FHIT: variants seen among roughly 807,000 people sequenced by gnomAD.
FHIT encodes the protein bis(5'-adenosyl)-triphosphatase.
A neutral mutation model predicts 17.9 loss-of-function variants in FHIT; 19 were observed. The ratio of observed to expected loss-of-function variants is 1.06; its 90% CI spans 0.74 to 1.56. FHIT has a LOEUF of 1.56. Among genes scored for constraint, FHIT ranks in the 40% most tolerant of loss-of-function variants. The pLI is 0.00. For synonymous variants in FHIT, 81 were observed against 69.7 expected (o/e 1.16, Z -0.81); for missense variants, 248 against 189.2 (o/e 1.31, Z -1.82).
intron 3 of FHIT, among the ~76,000 whole-genome samples, chr3:60,874,140 T>C (rs1488650061): frequency 6.6e-6 from 1 of 152,202 alleles, no homozygotes; most frequent in Non-Finnish European, 1.5e-5. Context: ...CATTTCCTCA[T>C]CTATCTAGAC....
At chr3:60,921,999 G>A (rs1418193706) in intron 3 of FHIT, among the ~76,000 whole-genome samples, 1 of 152,198 alleles carries the variant, frequency 6.6e-6, no homozygotes, top group African/African-American at 2.4e-5. Context: ...AACTTCTCCA[G>A]GCACTGCCTG....
chr3:61,217,475 T>C (rs889094139), intron 1 of FHIT, among the ~76,000 whole-genome samples: 7 of 152,222 alleles, frequency 4.6e-5, no homozygotes, highest in African/African-American at 1.7e-4. Context: ...CCTCACAACA[T>C]GGTGGCTGAG....
chr3:60,233,341 G>C (rs180815069), intron 5 of FHIT, among the ~76,000 whole-genome samples: 1 of 152,058 alleles, frequency 6.6e-6, no homozygotes, highest in South Asian at 2.1e-4. Context: ...CAGCCATCCC[G>C]TGCCTTCCAG....
chr3:60,263,897 C>A (rs1706431401), intron 5 of FHIT, among the ~76,000 whole-genome samples: 1 of 151,472 alleles, frequency 6.6e-6, no homozygotes, highest in African/African-American at 2.4e-5. Flanking sequence ...TCCTAGGAAA[C>A]TGGTCTGGAG....
intron 4 of FHIT, among the ~76,000 whole-genome samples, chr3:60,565,500 T>C (rs962186891): frequency 1.1e-4 from 17 of 152,212 alleles, no homozygotes; most frequent in African/African-American, 4.1e-4. Context: ...TAGATGCCTG[T>C]TATTCCTTTA....
chr3:60,849,412 C>G (rs1703050809), intron 3 of FHIT, among the ~76,000 whole-genome samples: 1 of 140,524 alleles, frequency 7.1e-6, no homozygotes, highest in Non-Finnish European at 1.5e-5. Context: ...TGTCATTTCC[C>G]TACAGGACTT....
intron 4 of FHIT, chr3:60,690,295 A>G: frequency 3.6e-6 from 2 of 557,794 alleles, no homozygotes; most frequent in South Asian, 1.4e-5. Flanking sequence ...AAAGCGCTCC[A>G]TGGCCTCCAC....
At chr3:61,243,408 C>T (rs2040417216) in intron 1 of FHIT, among the ~76,000 whole-genome samples, 1 of 152,140 alleles carries the variant, frequency 6.6e-6, no homozygotes, top group Admixed American at 6.5e-5. Context: ...TCCTCCCTCA[C>T]AATCACCACA....
intron 3 of FHIT, among the ~76,000 whole-genome samples, chr3:60,910,498 G>A (rs539576046): frequency 3.2e-4 from 48 of 147,696 alleles, no homozygotes; most frequent in African/African-American, 1.1e-3. Context: ...TGCAAGCTCC[G>A]CCTCCCAGGT....
chr3:60,136,539 C>T lies in FHIT; in HGVS notation c.104-122387G>A, dbSNP rs779968510. Among the ~76,000 whole-genome samples, 48 of 152,120 alleles carry T rather than the reference C, an allele frequency of 3.2e-4. 1 individual carries two copies. The highest frequency in any genetic ancestry group is 3.1e-3 in the Admixed American group (47 of 15,268). ...TCTGTCTCAAACCTGCCCACAACTCCGTTTCATGAGGGCTGAGCCACTATC... is the reference window on the plus strand; with the variant it reads ...TCTGTCTCAAACCTGCCCACAACTCTGTTTCATGAGGGCTGAGCCACTATC... On this transcript the variant is annotated intron_variant, in intron 5 of 9. Coordinates refer to ENST00000492590, the MANE Select transcript of FHIT (RefSeq NM_002012.4).
intron 5 of FHIT, among the ~76,000 whole-genome samples, chr3:60,086,416 T>C (rs982897358): frequency 2.0e-5 from 3 of 152,184 alleles, no homozygotes; most frequent in African/African-American, 2.4e-5. Context: ...AATACAATTG[T>C]TTCATCTCAA....
chr3:59,943,125 A>G (rs931317), intron 7 of FHIT, among the ~76,000 whole-genome samples: 34,384 of 148,708 alleles, frequency 0.23, 4,104 homozygotes, highest in African/African-American at 0.3. Flanking sequence ...TCAAAAGCAC[A>G]TAGTTTTGCC....
At chr3:60,631,819 T>C (rs567563015) in intron 4 of FHIT, among the ~76,000 whole-genome samples, 41 of 152,248 alleles carry the variant, frequency 2.7e-4, no homozygotes, top group African/African-American at 8.4e-4. Flanking sequence ...AATCCGACTC[T>C]CATTTGCATG....
At chr3:60,102,022 C>G (rs1704211551) in intron 5 of FHIT, among the ~76,000 whole-genome samples, 1 of 152,112 alleles carries the variant, frequency 6.6e-6, no homozygotes. Context: ...TTGAATGCAC[C>G]AAGGCAAAGT....
At chr3:59,780,414 T>A (rs73840810) in intron 8 of FHIT, among the ~76,000 whole-genome samples, 5,683 of 152,344 alleles carry the variant, frequency 0.037, 148 homozygotes, top group South Asian at 0.081. Flanking sequence ...GCATTCCATG[T>A]GTCTGGTTCC....
chr3:60,754,068 T>A (rs577069775), intron 4 of FHIT, among the ~76,000 whole-genome samples: 2 of 152,222 alleles, frequency 1.3e-5, no homozygotes, highest in African/African-American at 4.8e-5. Flanking sequence ...CAAAAATAAA[T>A]CCTTATGGTG....
At chr3:60,801,053 C>T (rs1365453685) in intron 4 of FHIT, among the ~76,000 whole-genome samples, 2 of 152,148 alleles carry the variant, frequency 1.3e-5, no homozygotes, top group Admixed American at 1.3e-4. Context: ...TATAAGTATA[C>T]ATTCTCAAGT....
intron 8 of FHIT, among the ~76,000 whole-genome samples, chr3:59,799,307 A>T (rs950325700): frequency 1.3e-5 from 2 of 152,216 alleles, no homozygotes; most frequent in Non-Finnish European, 2.9e-5. Context: ...TCTAAGCAAG[A>T]TGTGGTGCCT....
At position 60,871,326 on chromosome 3, in the gene FHIT, T is replaced by C. The variant is rs557924190; in HGVS notation, c.-110-49315A>G. 5.3e-5 allele frequency among the ~76,000 whole-genome samples: 8 copies of C among 152,182 alleles called. No individual in the cohort carries two copies. In the South Asian group the frequency reaches 1.7e-3, roughly 32 times the overall value. ...TTCTGCTTCTGTTACATGACTACCTTAGGAAAAGTCTCCGAGAACTCCTGT... is the reference window on the plus strand; with the variant it reads ...TTCTGCTTCTGTTACATGACTACCTCAGGAAAAGTCTCCGAGAACTCCTGT... On this transcript the variant is annotated intron_variant, in intron 3 of 9. Transcript: ENST00000492590.
Sources: allele counts gnomAD v4.1 joint callset (sites outside exome capture counted in the v4.1 genomes callset), GRCh38; gene constraint gnomAD v4.1.1; transcripts MANE v1.5; gene names NCBI Gene and HGNC (gene_info 2026-07-23, HGNC 2026-07-21).